The following CAPG variants were observed in gnomAD, a reference collection of about 807,000 sequenced individuals.
CAPG encodes capping actin protein, gelsolin like.
CAPG carries 32 observed loss-of-function variants against 44.6 expected under a neutral mutation model. The observed-to-expected ratio is 0.72, with a 90% CI of 0.54 to 0.96. The LOEUF (loss-of-function observed/expected upper bound fraction) is 0.96, where lower values mean the gene tolerates loss of function less well. CAPG is among the 50% of genes least tolerant of loss of function. The pLI, the probability that CAPG is intolerant of heterozygous loss-of-function variation, is 0.00. For missense variants in CAPG, 412 were observed against 438.3 expected (o/e 0.94, Z 0.54); for synonymous variants, 175 against 179.6 (o/e 0.97, Z 0.20).
intron 5 of CAPG, among the ~76,000 whole-genome samples, chr2:85,400,138 A>G (rs1686812660): frequency 6.6e-6 from 1 of 152,178 alleles, no homozygotes; most frequent in Non-Finnish European, 1.5e-5. Flanking sequence ...TAGGACATGA[A>G]GGTTTTGTTT....
At chr2:85,418,638 GCA>G (rs762428289), upstream of CAPG, 3,682 of 147,348 alleles carry the variant, frequency 0.025, 82 homozygotes, top group African/African-American at 0.059. Context: ...AGTCACACAC[GCA>G]CACACACACA....
At chr2:85,418,650 ACG>A (rs377343304), upstream of CAPG, 9 of 143,920 alleles carry the variant, frequency 6.3e-5, no homozygotes, top group Non-Finnish European at 1.2e-4. Flanking sequence ...ACACACACAC[ACG>A]CGCGCGCGCG....
intron 1 of CAPG, among the ~76,000 whole-genome samples, chr2:85,407,953 G>A (rs1000170206): frequency 6.6e-6 from 1 of 152,108 alleles, no homozygotes; most frequent in African/African-American, 2.4e-5. Flanking sequence ...CCTGACCTCT[G>A]GCCTTTCATT....
chr2:85,412,090 T>A (rs1483735579), upstream of CAPG, among the ~76,000 whole-genome samples: 1 of 149,822 alleles, frequency 6.7e-6, no homozygotes, highest in South Asian at 2.1e-4. Context: ...ACTGGATGAA[T>A]GTTTCTCATT....
At position 85,394,975 on chromosome 2, in the gene CAPG, G is replaced by T; in HGVS notation, c.982-17C>A. ...AATCTCCACCTGCAGGGACAGCGGGGGAGAAGTCTGGTTCACAAAGTTGCC... is the reference window on the plus strand; with the variant it reads ...AATCTCCACCTGCAGGGACAGCGGGTGAGAAGTCTGGTTCACAAAGTTGCC... On this transcript the variant is annotated splice_polypyrimidine_tract_variant and intron_variant, in intron 9 of 9. Transcript: ENST00000263867. The T allele has an allele frequency of 6.3e-7, 1 of 1,590,126 alleles. No individual in the cohort carries two copies. Among genetic ancestry groups the T allele is most frequent in the South Asian group, 1.1e-5 (1 of 90,606 alleles).
chr2:85,410,833 T>C (rs75015037), upstream of CAPG, among the ~76,000 whole-genome samples: 1 of 151,862 alleles, frequency 6.6e-6, no homozygotes, highest in East Asian at 1.9e-4. Flanking sequence ...AAGTATTTGA[T>C]TTTTTTTAAG....
upstream of CAPG, among the ~76,000 whole-genome samples, chr2:85,412,506 C>G (rs968203090): frequency 6.6e-6 from 1 of 152,060 alleles, no homozygotes; most frequent in African/African-American, 2.4e-5. Context: ...GGGCAAGACT[C>G]AGTCTCAAAA....
Position 85,395,033 on chromosome 2 carries a change from G to T in CAPG, c.982-75C>A. Reference sequence around the variant, plus strand: ...CCTCTGCCCAGGAGGACAGGAGGGGGCCAGAGCCAGGGAGGAGGGTGTGGG... The same window carrying T: ...CCTCTGCCCAGGAGGACAGGAGGGGTCCAGAGCCAGGGAGGAGGGTGTGGG... On this transcript the variant is annotated intron_variant, in intron 9 of 9. Transcript: ENST00000263867. The surrounding 1 kb of genome is among the most constrained non-coding windows in gnomAD (Gnocchi z 4.3). 9.7e-7 allele frequency: 1 copy of T among 1,026,760 alleles called. No individual in the cohort carries two copies. The highest frequency in any genetic ancestry group is 1.5e-6 in the Non-Finnish European group (1 of 653,836). 63.6% of individuals were successfully genotyped at this position (1,026,760 alleles called of 1,614,324 possible).
chr2:85,401,264 G>C lies in CAPG; in HGVS notation c.417C>G (p.Leu139=). ...TGTTCTTCTTCCCCTTCACCTGGTA[G>C]AGTTTCTTGATGGCAGCTGGGGCTC... is the stretch of plus-strand genomic sequence containing the variant. The part of the protein sequence containing the change: ...STGAPAAIKK[L]YQVKGKKNIR... Residue 139 remains leucine, a synonymous_variant, in exon 5 of 10, where the codon CTC becomes CTG. Transcript: ENST00000263867. 6.2e-7 allele frequency: 1 copy of C among 1,614,076 alleles called. No homozygotes were observed. The highest frequency in any genetic ancestry group is 8.5e-7 in the Non-Finnish European group (1 of 1,179,946).
At chr2:85,399,569 C>A (rs1207648375) in intron 5 of CAPG, among the ~76,000 whole-genome samples, 1 of 152,166 alleles carries the variant, frequency 6.6e-6, no homozygotes, top group African/African-American at 2.4e-5. Context: ...TGGCTCACTG[C>A]AGCCTTGACG....
chr2:85,399,458 A>T (rs35391999), intron 5 of CAPG, among the ~76,000 whole-genome samples, 173 bp from the exon 6 acceptor site: 96,981 of 152,044 alleles, frequency 0.64, 31,536 homozygotes, highest in African/African-American at 0.73. Context: ...ACGACCACCC[A>T]CTGCAACTGT....
At chr2:85,416,603 C>A (rs185283808) in intron 1 of CAPG, among the ~76,000 whole-genome samples, 2 of 152,328 alleles carry the variant, frequency 1.3e-5, no homozygotes, top group Admixed American at 1.3e-4. Context: ...CCTTCCCCCC[C>A]GCCGGTTCAA....
intron 1 of CAPG, among the ~76,000 whole-genome samples, chr2:85,404,988 T>G (rs1687079920): frequency 6.7e-6 from 1 of 149,886 alleles, no homozygotes; most frequent in African/African-American, 2.5e-5. Flanking sequence ...TAGAAAGAAA[T>G]TTCCTTAACC....
chr2:85,398,631 G>T, intron 7 of CAPG, 59 bp downstream of exon 7: 1 of 1,358,776 alleles, frequency 7.4e-7, no homozygotes, highest in Non-Finnish European at 1.0e-6. Context: ...ATGCAGCTGT[G>T]CTGTGCAGGC....
rs1052013781 is a variant in CAPG, at chr2:85,406,203, A to T, written c.-13-4045T>A. Among the ~76,000 whole-genome samples, 3 of 151,458 alleles carry T rather than the reference A, an allele frequency of 2.0e-5. No homozygotes were observed. In the East Asian group the frequency reaches 5.8e-4, roughly 29 times the overall value. ...GAGGCGGAGGTTGCAGTGAGCCAAG[A>T]TCCATGCCACTGCACTCCAGCCTGG... is the stretch of plus-strand genomic sequence containing the variant. On this transcript the variant is annotated intron_variant, in intron 1 of 9. Coordinates refer to ENST00000263867, the MANE Select transcript of CAPG (RefSeq NM_001747.4).
At chr2:85,401,743 C>T (rs1250362648) in intron 3 of CAPG, 42 bp downstream of exon 3, 1 of 1,612,862 alleles carries the variant, frequency 6.2e-7, no homozygotes, top group East Asian at 2.2e-5. Flanking sequence ...CCCCCTCCCT[C>T]CCCTTCCTGG....
rs749553182 is a variant in CAPG, at chr2:85,401,360, T to G, written c.352-31A>C. On this transcript the variant is annotated intron_variant, in intron 4 of 9. Transcript: ENST00000263867. ...GCCCAGACGGCCCATCTGAGTGGAC[T>G]GACAGGAGACCCAGAGCCCTCTGCA... 5.0e-6 allele frequency: 8 copies of G among 1,608,304 alleles called. No individual in the cohort carries two copies. The East Asian group carries it at 1.6e-4, about 31-fold the overall frequency.
chr2:85,402,244 C>G (rs1186275701), intron 1 of CAPG, 86 bp from the exon 2 acceptor site: 2 of 1,004,208 alleles, frequency 2.0e-6, no homozygotes, highest in Non-Finnish European at 3.1e-6. Context: ...TTCCAGTGGC[C>G]AAGTACTTTC....
intron 1 of CAPG, 42 bp from the exon 2 acceptor site, chr2:85,402,200 A>C: frequency 6.5e-7 from 1 of 1,534,192 alleles, no homozygotes; most frequent in Non-Finnish European, 8.9e-7. Flanking sequence ...AAATGCCACA[A>C]AAAGGACCTC....
Sources: gnomAD v4.1 joint callset for allele counts (sites outside exome capture counted in the v4.1 genomes callset) on GRCh38, gnomAD v4.1.1 for gene constraint, Gnocchi (gnomAD v3.1) non-coding constraint, MANE v1.5 for transcripts, NCBI Gene and HGNC (gene_info 2026-07-23, HGNC 2026-07-21) for gene names.